Variants in MAPK8 observed in about 807,000 individuals in gnomAD.
MAPK8 encodes the protein JUN N-terminal kinase.
A neutral mutation model predicts 52.9 loss-of-function variants in MAPK8; 13 were observed. That is an observed-to-expected ratio of 0.25 (90% CI 0.16 to 0.39). The LOEUF (loss-of-function observed/expected upper bound fraction) is 0.39, where lower values mean the gene tolerates loss of function less well. Among genes scored for constraint, MAPK8 ranks in the 10% least tolerant of loss-of-function variants. MAPK8 has a pLI of 1.00. For missense variants in MAPK8, 300 were observed against 519.2 expected, an observed-to-expected ratio of 0.58 and a Z score of 4.10; for synonymous variants, 191 against 169.8, an observed-to-expected ratio of 1.12 and a Z score of -0.97.
At chr10:48,352,168 G>T (rs966266014) in intron 1 of MAPK8, among the ~76,000 whole-genome samples, 1 of 152,042 alleles carries the variant, frequency 6.6e-6, no homozygotes, top group Admixed American at 6.5e-5. Flanking sequence ...AAATAGGCCC[G>T]AATGATTTCA....
intron 1 of MAPK8, among the ~76,000 whole-genome samples, chr10:48,346,219 T>G (rs962590814): frequency 6.6e-6 from 1 of 152,212 alleles, no homozygotes; most frequent in Non-Finnish European, 1.5e-5. Context: ...ATACCAGATA[T>G]AGATCTTAGA....
chr10:48,317,088 T>G (rs1842574416), intron 1 of MAPK8, among the ~76,000 whole-genome samples: 1 of 152,082 alleles, frequency 6.6e-6, no homozygotes, highest in African/African-American at 2.4e-5. Context: ...ATAGAGAGAT[T>G]ATATGGGAAG....
chr10:48,318,205 A>G (rs1048831607), intron 1 of MAPK8, among the ~76,000 whole-genome samples: 3 of 152,170 alleles, frequency 2.0e-5, no homozygotes, highest in African/African-American at 7.2e-5. Flanking sequence ...TTTCTCAGGG[A>G]AACTTGTTTT....
At chr10:48,404,282 A>ACTTG (rs2042337629) in intron 2 of MAPK8, among the ~76,000 whole-genome samples, 2 of 151,150 alleles carry the variant, frequency 1.3e-5, no homozygotes, top group East Asian at 3.9e-4. Context: ...TTAGCCTCTC[A>ACTTG]AGTAGCTGGG....
chr10:48,432,042 C>G (rs2044333376), intron 11 of MAPK8, among the ~76,000 whole-genome samples: 1 of 152,150 alleles, frequency 6.6e-6, no homozygotes, highest in African/African-American at 2.4e-5. Flanking sequence ...ACAGTAACTT[C>G]AGAGTGTGTG....
chr10:48,435,175 T>A lies in MAPK8; in HGVS notation c.*146T>A, dbSNP rs2044755134. 1.7e-6 allele frequency: 1 copy of A among 579,526 alleles called. No homozygotes were observed. Among genetic ancestry groups the A allele is most frequent in the Non-Finnish European group, 2.8e-6 (1 of 358,426 alleles). The allele number at this position is 579,526 out of a possible 1,614,324, so 35.9% of individuals were successfully genotyped here. A position where few individuals can be genotyped will look rare whatever the true frequency, so the allele number is the denominator to read the frequency against. ...TTGTAGTAAAGTAGTTTATTTTTTT[T>A]AATTTCAAGTGATGTAATTTAAAAC... On this transcript the variant is annotated 3_prime_UTR_variant, in exon 12 of 12. Transcript: ENST00000374189.
chr10:48,364,407 A>C (rs1189623127), intron 1 of MAPK8, among the ~76,000 whole-genome samples: 1 of 151,962 alleles, frequency 6.6e-6, no homozygotes. Flanking sequence ...TGTTTTTGAC[A>C]TTGACCCTGT....
At chr10:48,404,509 T>G (rs562791120) in intron 2 of MAPK8, among the ~76,000 whole-genome samples, 24 of 152,294 alleles carry the variant, frequency 1.6e-4, no homozygotes, top group Admixed American at 2.6e-4. Context: ...GGTTAAGGAT[T>G]TATTTAGGCT....
chr10:48,321,445 T>C (rs1330354574), intron 1 of MAPK8, among the ~76,000 whole-genome samples: 1 of 152,210 alleles, frequency 6.6e-6, no homozygotes, highest in Non-Finnish European at 1.5e-5. Flanking sequence ...TTTATAAATA[T>C]TTTCTCCTGT....
intron 1 of MAPK8, among the ~76,000 whole-genome samples, chr10:48,400,557 T>G (rs981231396): frequency 6.6e-6 from 1 of 152,204 alleles, no homozygotes; most frequent in Non-Finnish European, 1.5e-5. Flanking sequence ...CTCTCTCCAG[T>G]GGCTCACCTT....
chr10:48,317,931 G>T (rs990146043), intron 1 of MAPK8, among the ~76,000 whole-genome samples: 1 of 152,008 alleles, frequency 6.6e-6, no homozygotes, highest in African/African-American at 2.4e-5. Flanking sequence ...AGTCAGCCTG[G>T]TTTTGTGACC....
At chr10:48,336,462 T>G (rs1231128277) in intron 1 of MAPK8, among the ~76,000 whole-genome samples, 1 of 152,186 alleles carries the variant, frequency 6.6e-6, no homozygotes, top group East Asian at 1.9e-4. Context: ...ATTCTCAAAC[T>G]TTTTAAGAGT....
At chr10:48,421,994 C>CATTTTTTTT in intron 6 of MAPK8, among the ~76,000 whole-genome samples, 1 of 141,424 alleles carries the variant, frequency 7.1e-6, no homozygotes, top group African/African-American at 2.7e-5. Flanking sequence ...ACCTCACACT[C>CATTTTTTTT]ATTTTATTTA....
chr10:48,315,126 C>T (rs188923689), intron 1 of MAPK8, among the ~76,000 whole-genome samples: 1 of 152,268 alleles, frequency 6.6e-6, no homozygotes, highest in Admixed American at 6.5e-5. Context: ...TATTTCTCTT[C>T]CTTTTCAGAA....
chr10:48,350,330 G>A (rs1009610408), intron 1 of MAPK8, among the ~76,000 whole-genome samples: 2 of 152,108 alleles, frequency 1.3e-5, no homozygotes, highest in Non-Finnish European at 2.9e-5. Context: ...GAAAATTTCA[G>A]GCCAATATCC....
At chr10:48,365,355 T>C (rs925147987) in intron 1 of MAPK8, among the ~76,000 whole-genome samples, 1 of 152,154 alleles carries the variant, frequency 6.6e-6, no homozygotes, top group Non-Finnish European at 1.5e-5. Context: ...AATTGTACTT[T>C]CACAACTATT....
chr10:48,355,651 T>TAA (rs1846838036), intron 1 of MAPK8, among the ~76,000 whole-genome samples: 1 of 152,320 alleles, frequency 6.6e-6, no homozygotes, highest in East Asian at 1.9e-4. Context: ...TATACATATT[T>TAA]AAAAATAAAT....
intron 6 of MAPK8, among the ~76,000 whole-genome samples, chr10:48,423,383 G>C (rs1428093793): frequency 6.6e-6 from 1 of 152,256 alleles, no homozygotes. Context: ...CTTTAGGTAG[G>C]AAACATGAAA....
At chr10:48,364,542 G>A (rs567843620) in intron 1 of MAPK8, among the ~76,000 whole-genome samples, 15 of 152,068 alleles carry the variant, frequency 9.9e-5, no homozygotes, top group Admixed American at 3.3e-4. Context: ...TGCTTATCAT[G>A]TGCCAGTTTC....
Sources: allele counts gnomAD v4.1 joint callset (sites outside exome capture counted in the v4.1 genomes callset), GRCh38; gene constraint gnomAD v4.1.1; transcripts MANE v1.5; gene names NCBI Gene and HGNC (gene_info 2026-07-23, HGNC 2026-07-21).